Variants in CCDC7 observed in about 807,000 individuals in gnomAD.
The protein encoded by CCDC7 is coiled-coil domain containing 7.
CCDC7 carries 183 observed loss-of-function variants against 196.9 expected under a neutral mutation model. That is an observed-to-expected ratio of 0.93 (90% CI 0.82 to 1.05). The LOEUF is 1.05. Ranked by LOEUF, CCDC7 falls within the 50% of genes least tolerant of loss-of-function variation. CCDC7 has a pLI of 0.00. For missense variants in CCDC7, 1,540 were observed against 1,482.2 expected (o/e 1.04, Z -0.64); for synonymous variants, 525 against 484.6 (o/e 1.08, Z -1.10).
chr10:32,492,856 TAAAA>T (rs1158243811), intron 9 of CCDC7, among the ~76,000 whole-genome samples: 2 of 152,132 alleles, frequency 1.3e-5, no homozygotes, highest in African/African-American at 2.4e-5. Flanking sequence ...TTTCCATAGT[TAAAA>T]AAGTTAAAAG....
At chr10:32,752,576 A>G (rs2075825554) in intron 28 of CCDC7, among the ~76,000 whole-genome samples, 1 of 152,160 alleles carries the variant, frequency 6.6e-6, no homozygotes. Flanking sequence ...TGTGACTACA[A>G]TACAGTGTCA....
chr10:32,616,881 T>C (rs1346659462), intron 18 of CCDC7, among the ~76,000 whole-genome samples: 2 of 151,984 alleles, frequency 1.3e-5, no homozygotes, highest in Non-Finnish European at 2.9e-5. Context: ...TGCTGAATTT[T>C]ATGGAATGCT....
chr10:32,484,564 TG>T (rs1238514657), intron 8 of CCDC7, among the ~76,000 whole-genome samples: 1 of 152,236 alleles, frequency 6.6e-6, no homozygotes, highest in African/African-American at 2.4e-5. Context: ...AGGGCATTGC[TG>T]TCTTGTGCCA....
chr10:32,640,876 C>CTTTTT (rs1193198487), intron 20 of CCDC7, among the ~76,000 whole-genome samples: 1 of 87,100 alleles, frequency 1.1e-5, no homozygotes, highest in South Asian at 3.9e-4. Context: ...TTTTTTTTTT[C>CTTTTT]TTTTTTTTTT....
At chr10:32,586,896 G>A (rs1327047302) in intron 18 of CCDC7, among the ~76,000 whole-genome samples, 3 of 152,126 alleles carry the variant, frequency 2.0e-5, no homozygotes, top group Non-Finnish European at 4.4e-5. Context: ...GGAGGATACA[G>A]GAGCAACACT....
intron 41 of CCDC7, among the ~76,000 whole-genome samples, chr10:32,871,715 C>G (rs1232530066): frequency 2.0e-5 from 3 of 152,106 alleles, no homozygotes; most frequent in Admixed American, 6.6e-5. Context: ...TTAGATCTTT[C>G]CTGCTTTCTC....
intron 28 of CCDC7, among the ~76,000 whole-genome samples, chr10:32,761,347 C>T (rs1288715715): frequency 1.3e-5 from 2 of 151,892 alleles, no homozygotes; most frequent in Non-Finnish European, 2.9e-5. Context: ...GCACTGATAC[C>T]GTGGCATCAT....
chr10:32,546,487 T>C (rs1210879725), intron 13 of CCDC7, among the ~76,000 whole-genome samples: 7 of 152,222 alleles, frequency 4.6e-5, no homozygotes, highest in African/African-American at 1.4e-4. Context: ...AACAACCATC[T>C]AGCATTATAT....
chr10:32,551,672 G>A (rs1217044604), intron 13 of CCDC7, among the ~76,000 whole-genome samples: 1 of 152,156 alleles, frequency 6.6e-6, no homozygotes, highest in Non-Finnish European at 1.5e-5. Flanking sequence ...TCATTCAGGA[G>A]CAGGTTATTT....
chr10:32,666,251 A>T (rs1206530758), intron 21 of CCDC7, among the ~76,000 whole-genome samples: 1 of 151,738 alleles, frequency 6.6e-6, no homozygotes, highest in Non-Finnish European at 1.5e-5. Flanking sequence ...GAGAAGGTAG[A>T]TTACAAAGAT....
At chr10:32,722,296 T>C (rs2082526843) in intron 25 of CCDC7, among the ~76,000 whole-genome samples, 1 of 152,090 alleles carries the variant, frequency 6.6e-6, no homozygotes, top group Non-Finnish European at 1.5e-5. Context: ...ATTCAGTAGT[T>C]GGGGGCCATA....
At chr10:32,471,498 A>G (rs894032469) in intron 6 of CCDC7, among the ~76,000 whole-genome samples, 13 of 152,172 alleles carry the variant, frequency 8.5e-5, no homozygotes, top group African/African-American at 2.9e-4. Flanking sequence ...TAGTACCTAC[A>G]TGTGGCTGTT....
chr10:32,675,953 C>T (rs554152177), intron 21 of CCDC7: 7 of 151,590 alleles, frequency 4.6e-5, no homozygotes, highest in South Asian at 2.1e-4. Context: ...AAGAACAGAG[C>T]TGGAGGCATC....
intron 20 of CCDC7, among the ~76,000 whole-genome samples, chr10:32,655,549 CAG>C (rs931735338): frequency 1.1e-4 from 17 of 152,048 alleles, no homozygotes; most frequent in Admixed American, 7.9e-4. Flanking sequence ...TTTTGAGAGA[CAG>C]AGTCTTGCTC....
chr10:32,646,130 G>T, intron 20 of CCDC7, among the ~76,000 whole-genome samples: 1 of 143,136 alleles, frequency 7.0e-6, no homozygotes. Context: ...GTTTATTTGA[G>T]TTCTTTCTAG....
At chr10:32,602,005 G>A (rs916668865) in intron 18 of CCDC7, among the ~76,000 whole-genome samples, 45 of 152,234 alleles carry the variant, frequency 3.0e-4, no homozygotes, top group Middle Eastern at 3.4e-3. Context: ...CAACCTGATC[G>A]GGTCCCCTTC....
Position 32,493,623 on chromosome 10 carries a change from C to T in CCDC7, c.872+1626C>T, listed in dbSNP as rs549562188. The stretch of plus-strand genomic sequence containing the variant: ...TTTTGAAGAATCTCCATACTGTTTT[C>T]CATAAAGCTGAACTAATTTACATTC... On this transcript the variant is annotated intron_variant, in intron 9 of 41. Coordinates refer to ENST00000639629, the Ensembl canonical transcript of CCDC7. Among the ~76,000 whole-genome samples, 285 of 151,948 alleles carry T rather than the reference C, an allele frequency of 1.9e-3. 1 individual carries two copies. The highest frequency in any genetic ancestry group is 2.9e-3 in the Non-Finnish European group (194 of 67,914).
chr10:32,598,554 C>T (rs201658526), intron 18 of CCDC7, among the ~76,000 whole-genome samples: 1 of 152,204 alleles, frequency 6.6e-6, no homozygotes, highest in Non-Finnish European at 1.5e-5. Context: ...GCAGAAATCA[C>T]CTGTCTTCTG....
chr10:32,868,323 A>G (rs1462626009), intron 41 of CCDC7, among the ~76,000 whole-genome samples: 1 of 151,944 alleles, frequency 6.6e-6, no homozygotes, highest in Non-Finnish European at 1.5e-5. Flanking sequence ...TAATTTTTTG[A>G]GAACTCACCA....
Sources: gnomAD v4.1 joint callset for allele counts (sites outside exome capture counted in the v4.1 genomes callset) on GRCh38, gnomAD v4.1.1 for gene constraint, MANE v1.5 for transcripts, NCBI Gene and HGNC (gene_info 2026-07-23, HGNC 2026-07-21) for gene names.